CATSPER3: variants seen among roughly 807,000 people sequenced by gnomAD.
CATSPER3 encodes cation channel sperm-associated protein 3.
Under a neutral mutation model 36.6 loss-of-function variants are expected in CATSPER3, and 23 were observed. The observed-to-expected ratio is 0.63, with a 90% confidence interval of 0.45 to 0.89. The LOEUF is 0.89. Ranked by LOEUF, CATSPER3 falls within the 40% of genes least tolerant of loss-of-function variation. The pLI is 0.00. For missense variants in CATSPER3, 474 were observed against 503.9 expected (o/e 0.94, Z 0.57); for synonymous variants, 172 against 184.1 (o/e 0.93, Z 0.53).
At chr5:134,989,864 G>C (rs1284702113) in intron 2 of CATSPER3, among the ~76,000 whole-genome samples, 1 of 152,196 alleles carries the variant, frequency 6.6e-6, no homozygotes, top group East Asian at 1.9e-4. Flanking sequence ...TCCTCACTAA[G>C]ATTAATTATT....
intron 2 of CATSPER3, among the ~76,000 whole-genome samples, chr5:134,993,256 C>A (rs766826186): frequency 1.5e-4 from 23 of 152,066 alleles, no homozygotes; most frequent in Non-Finnish European, 2.6e-4. Context: ...CTAGAATAGG[C>A]AAATTCATAC....
chr5:134,982,499 G>A lies in CATSPER3; in HGVS notation c.252+12407G>A, dbSNP rs80348622. Among the ~76,000 whole-genome samples, 154 of 152,224 alleles carry A rather than the reference G, an allele frequency of 1.0e-3. No individual in the cohort carries two copies. The East Asian group carries it at 0.027, about 27-fold the overall frequency. On this transcript the variant is annotated intron_variant, in intron 2 of 7. Transcript: ENST00000282611. ...AGAAACCTCAATAAGATTAACAGCC[G>A]ATTTATCCTCAGAAACTATGGAGGC...
At chr5:135,000,595 A>T (rs1273723458) in intron 3 of CATSPER3, among the ~76,000 whole-genome samples, 1 of 152,170 alleles carries the variant, frequency 6.6e-6, no homozygotes, top group Non-Finnish European at 1.5e-5. Flanking sequence ...CCTCAATTTC[A>T]GAGCCTGTTA....
At chr5:135,008,322 G>A (rs538158740) in intron 4 of CATSPER3, among the ~76,000 whole-genome samples, 183 bp downstream of exon 4, 2 of 152,140 alleles carry the variant, frequency 1.3e-5, no homozygotes, top group African/African-American at 2.4e-5. Context: ...GGGCTCCATC[G>A]CTGTCTCTAG....
At chr5:135,006,397 C>T (rs1444492376) in intron 3 of CATSPER3, among the ~76,000 whole-genome samples, 1 of 152,188 alleles carries the variant, frequency 6.6e-6, no homozygotes, top group Non-Finnish European at 1.5e-5. Context: ...TTGGATTCTA[C>T]CACCCAGTGT....
At position 135,006,357 on chromosome 5, in the gene CATSPER3, A is replaced by G. The variant is rs558103600; in HGVS notation, c.493-1600A>G. On this transcript the variant is annotated intron_variant, in intron 3 of 7. Transcript: ENST00000282611. The stretch of plus-strand genomic sequence containing the variant: ...TGGCCTGGAGGTGGGAGGCCCAACC[A>G]GGCCTCTCCGCAACCCTTCTGCACA... 2.5e-3 allele frequency among the ~76,000 whole-genome samples: 387 copies of G among 152,270 alleles called. 3 individuals carry two copies. Among genetic ancestry groups the G allele is most frequent in the African/African-American group, 9.0e-3 (375 of 41,562 alleles).
At chr5:134,989,752 G>A (rs572438751) in intron 2 of CATSPER3, among the ~76,000 whole-genome samples, 1 of 152,320 alleles carries the variant, frequency 6.6e-6, no homozygotes, top group South Asian at 2.1e-4. Flanking sequence ...TATCATGTAT[G>A]TGTTTACTGG....
At chr5:135,010,857 C>T (rs1221268831) in intron 7 of CATSPER3, among the ~76,000 whole-genome samples, 2 of 152,218 alleles carry the variant, frequency 1.3e-5, no homozygotes, top group Admixed American at 6.5e-5. Context: ...TGGGTAGCCT[C>T]AGCTTCTGGC....
intron 3 of CATSPER3, among the ~76,000 whole-genome samples, chr5:135,002,029 C>T (rs1752026376): frequency 6.6e-6 from 1 of 152,062 alleles, no homozygotes; most frequent in Non-Finnish European, 1.5e-5. Context: ...TTATTTTGCT[C>T]GTTAGTTGAT....
intron 2 of CATSPER3, among the ~76,000 whole-genome samples, chr5:134,979,948 C>CTCCCTTCCCTCCCTCCTTTCCT (rs1751729064): frequency 8.5e-6 from 1 of 118,066 alleles, no homozygotes; most frequent in Admixed American, 8.9e-5. Context: ...CCTCATTTCC[C>CTCCCTTCCCTCCCTCCTTTCCT]ACCCTTCCCT....
At chr5:134,983,151 A>C (rs1751769320) in intron 2 of CATSPER3, among the ~76,000 whole-genome samples, 1 of 152,214 alleles carries the variant, frequency 6.6e-6, no homozygotes, top group Admixed American at 6.5e-5. Flanking sequence ...TTGAGGAACA[A>C]AAATATATGA....
intron 2 of CATSPER3, among the ~76,000 whole-genome samples, chr5:134,981,238 C>T (rs1751747754): frequency 6.6e-6 from 1 of 152,012 alleles, no homozygotes; most frequent in African/African-American, 2.4e-5. Context: ...TGTCTGTAGT[C>T]ACAGCACTTT....
At chr5:135,004,303 A>G (rs1321890766) in intron 3 of CATSPER3, among the ~76,000 whole-genome samples, 1 of 152,200 alleles carries the variant, frequency 6.6e-6, no homozygotes, top group East Asian at 1.9e-4. Context: ...GAGCCCTGGA[A>G]CAGAAATGCC....
At chr5:135,005,136 C>T (rs547177480) in intron 3 of CATSPER3, among the ~76,000 whole-genome samples, 54 of 152,318 alleles carry the variant, frequency 3.5e-4, no homozygotes, top group African/African-American at 1.3e-3. Flanking sequence ...CCCAGACTGG[C>T]ACCTCAAGGC....
chr5:134,981,361 C>T (rs1041198886), intron 2 of CATSPER3, among the ~76,000 whole-genome samples: 33 of 152,052 alleles, frequency 2.2e-4, no homozygotes, highest in African/African-American at 7.7e-4. Context: ...GGCATGGTGC[C>T]TGTAATCCCA....
intron 7 of CATSPER3, among the ~76,000 whole-genome samples, chr5:135,011,087 C>T (rs994902657): frequency 2.6e-5 from 4 of 152,204 alleles, no homozygotes; most frequent in African/African-American, 9.7e-5. Context: ...GCATCAGGAG[C>T]TACGGTGGGC....
intron 2 of CATSPER3, among the ~76,000 whole-genome samples, chr5:134,986,442 C>A (rs1295871675): frequency 4.1e-5 from 6 of 147,240 alleles, no homozygotes; most frequent in African/African-American, 7.6e-5. Context: ...CTGTGCCTGG[C>A]CTTAAACAGC....
intron 2 of CATSPER3, among the ~76,000 whole-genome samples, chr5:134,975,864 A>G (rs1329286540): frequency 6.6e-6 from 1 of 152,228 alleles, no homozygotes; most frequent in Non-Finnish European, 1.5e-5. Flanking sequence ...CAAGATATGG[A>G]ATCAACCTAA....
intron 3 of CATSPER3, among the ~76,000 whole-genome samples, chr5:135,005,176 C>T (rs1196647273): frequency 3.9e-5 from 6 of 152,166 alleles, no homozygotes; most frequent in African/African-American, 1.4e-4. Flanking sequence ...CTTAGTGCAC[C>T]GTCTTGGCTG....
Sources: allele counts gnomAD v4.1 joint callset (sites outside exome capture counted in the v4.1 genomes callset), GRCh38; gene constraint gnomAD v4.1.1; transcripts MANE v1.5; gene names NCBI Gene and HGNC (gene_info 2026-07-23, HGNC 2026-07-21).